The following PPP1R14C variants were observed in gnomAD, a reference collection of about 807,000 sequenced individuals.
The protein encoded by PPP1R14C is protein phosphatase 1 regulatory inhibitor subunit 14C.
A neutral mutation model predicts 20.4 loss-of-function variants in PPP1R14C; 16 were observed. The observed-to-expected ratio is 0.78, with a 90% CI of 0.53 to 1.19. PPP1R14C has a LOEUF of 1.19. PPP1R14C is among the 50% of genes most tolerant of loss of function. The pLI, the probability that PPP1R14C is intolerant of heterozygous loss-of-function variation, is 0.00. For missense variants in PPP1R14C, 211 were observed against 220.1 expected, an observed-to-expected ratio of 0.96 and a Z score of 0.26; for synonymous variants, 91 against 91.0, an observed-to-expected ratio of 1.00 and a Z score of 0.00.
At chr6:150,246,349 T>G in intron 3 of PPP1R14C, among the ~76,000 whole-genome samples, 1 of 152,082 alleles carries the variant, frequency 6.6e-6, no homozygotes, top group East Asian at 1.9e-4. Flanking sequence ...CTTTTTGTAG[T>G]AGTCATATGC....
intron 1 of PPP1R14C, among the ~76,000 whole-genome samples, chr6:150,206,939 A>G (rs962916081): frequency 3.3e-5 from 5 of 151,172 alleles, no homozygotes; most frequent in Admixed American, 1.3e-4. Flanking sequence ...ATCTCGGCTC[A>G]TTGAAACCTC....
At chr6:150,241,930 A>C (rs974407403) in intron 3 of PPP1R14C, among the ~76,000 whole-genome samples, 11 of 152,080 alleles carry the variant, frequency 7.2e-5, no homozygotes, top group Non-Finnish European at 1.6e-4. Flanking sequence ...ATCGTAGGAC[A>C]CTCTGTTGAT....
chr6:150,207,442 A>C (rs552343522), intron 1 of PPP1R14C, among the ~76,000 whole-genome samples: 1 of 152,246 alleles, frequency 6.6e-6, no homozygotes, highest in East Asian at 1.9e-4. Context: ...GCTCATCTCC[A>C]TGCCTTGCGT....
chr6:150,151,120 A>G (rs940465482), intron 1 of PPP1R14C, among the ~76,000 whole-genome samples: 12 of 151,454 alleles, frequency 7.9e-5, no homozygotes, highest in African/African-American at 2.4e-4. Context: ...ATTGCTGTCC[A>G]TATGCGGACA....
At chr6:150,225,346 A>G (rs890311604) in intron 3 of PPP1R14C, among the ~76,000 whole-genome samples, 6 of 152,170 alleles carry the variant, frequency 3.9e-5, no homozygotes, top group Admixed American at 6.5e-5. Context: ...CTGGATCCCC[A>G]TGGAATTTTT....
intron 1 of PPP1R14C, among the ~76,000 whole-genome samples, chr6:150,186,043 G>T (rs1016879433): frequency 7.9e-5 from 12 of 152,172 alleles, no homozygotes; most frequent in African/African-American, 2.4e-4. Flanking sequence ...CTGGAAGGAG[G>T]CCACCAGAAT....
Position 150,200,171 on chromosome 6 carries a change from G to GATATATATATATATATAT in PPP1R14C, c.307-14560_307-14559insTATATATATATATATATA, listed in dbSNP as rs145406314. The stretch of plus-strand genomic sequence containing the variant: ...TATTAATATTTGAGGGCTTTTATAG[G>GATATATATATATATATAT]ATATATATATATACACACACACATA... On this transcript the variant is annotated intron_variant, in intron 1 of 3. Transcript: ENST00000361131. Among the ~76,000 whole-genome samples the GATATATATATATATATAT allele has an allele frequency of 1.1e-3, 165 of 148,020 alleles. 4 individuals are homozygous for GATATATATATATATATAT. In the East Asian group the frequency reaches 0.024, roughly 22 times the overall value.
At chr6:150,226,821 G>C (rs1169414373) in intron 3 of PPP1R14C, among the ~76,000 whole-genome samples, 4 of 152,108 alleles carry the variant, frequency 2.6e-5, no homozygotes, top group Admixed American at 6.5e-5. Flanking sequence ...CTAAGTCCGA[G>C]AGTAGGTGGC....
At chr6:150,204,701 G>T (rs1404823727) in intron 1 of PPP1R14C, among the ~76,000 whole-genome samples, 6 of 152,160 alleles carry the variant, frequency 3.9e-5, no homozygotes, top group Admixed American at 3.9e-4. Context: ...CCCTGCCCCA[G>T]CTCTCACGGG....
intron 1 of PPP1R14C, among the ~76,000 whole-genome samples, chr6:150,162,453 C>T (rs1777380523): frequency 6.6e-6 from 1 of 152,210 alleles, no homozygotes; most frequent in Non-Finnish European, 1.5e-5. Context: ...CAGTATACAG[C>T]ATTTTCAGAC....
At chr6:150,161,062 C>G (rs1235762843) in intron 1 of PPP1R14C, among the ~76,000 whole-genome samples, 2 of 152,008 alleles carry the variant, frequency 1.3e-5, no homozygotes, top group East Asian at 3.9e-4. Flanking sequence ...GGCAGATCGC[C>G]TGAGGTCAGG....
chr6:150,195,467 C>G (rs1025710943), intron 1 of PPP1R14C, among the ~76,000 whole-genome samples: 2 of 152,104 alleles, frequency 1.3e-5, no homozygotes, highest in African/African-American at 4.8e-5. Context: ...CCCACCTCAG[C>G]CTCCTGAGTA....
chr6:150,227,122 C>T (rs751533717), intron 3 of PPP1R14C, among the ~76,000 whole-genome samples: 5 of 152,174 alleles, frequency 3.3e-5, no homozygotes, highest in Non-Finnish European at 7.3e-5. Flanking sequence ...TTTATGGATA[C>T]ATGGAAGTAC....
chr6:150,183,111 C>G (rs554327140), intron 1 of PPP1R14C, among the ~76,000 whole-genome samples: 43 of 151,954 alleles, frequency 2.8e-4, no homozygotes, highest in Admixed American at 2.6e-3. Flanking sequence ...ACAAATAGTA[C>G]AAATATTCTG....
At chr6:150,181,867 T>G (rs1352748759) in intron 1 of PPP1R14C, among the ~76,000 whole-genome samples, 1 of 152,252 alleles carries the variant, frequency 6.6e-6, no homozygotes, top group Non-Finnish European at 1.5e-5. Context: ...TTTTCATTGC[T>G]TCTCAAATTT....
At chr6:150,192,546 A>G (rs996564306) in intron 1 of PPP1R14C, among the ~76,000 whole-genome samples, 10 of 152,186 alleles carry the variant, frequency 6.6e-5, no homozygotes, top group African/African-American at 9.7e-5. Context: ...GGTCCCAAAC[A>G]GGCCATGGAC....
At chr6:150,245,876 C>G (rs775085695) in intron 3 of PPP1R14C, among the ~76,000 whole-genome samples, 1 of 152,110 alleles carries the variant, frequency 6.6e-6, no homozygotes, top group African/African-American at 2.4e-5. Flanking sequence ...TTAACTTACT[C>G]GACTGAGCAC....
At chr6:150,247,124 G>C (rs1417924694) in intron 3 of PPP1R14C, among the ~76,000 whole-genome samples, 4 of 152,104 alleles carry the variant, frequency 2.6e-5, no homozygotes, top group Non-Finnish European at 5.9e-5. Flanking sequence ...GTGCTTTATA[G>C]CCAGAGAGTA....
At chr6:150,146,922 C>T (rs1253596922) in intron 1 of PPP1R14C, among the ~76,000 whole-genome samples, 2 of 152,084 alleles carry the variant, frequency 1.3e-5, no homozygotes, top group Non-Finnish European at 2.9e-5. Context: ...TGTAAAATAC[C>T]ACGTCAAATA....
Sources: allele counts gnomAD v4.1 joint callset (sites outside exome capture counted in the v4.1 genomes callset), GRCh38; gene constraint gnomAD v4.1.1; transcripts MANE v1.5; gene names NCBI Gene and HGNC (gene_info 2026-07-23, HGNC 2026-07-21).